The following PRSS56 variants were observed in gnomAD, a reference collection of about 807,000 sequenced individuals.
The protein encoded by PRSS56 is serine protease 56, also known as protease, serine 56.
In PRSS56, 55 loss-of-function variants were observed where a neutral mutation model predicts 66.8. That is an observed-to-expected ratio of 0.82 (90% CI 0.66 to 1.03). The LOEUF is 1.03. Among genes scored for constraint, PRSS56 ranks in the 50% least tolerant of loss-of-function variants. The pLI is 0.00. For synonymous variants in PRSS56, 409 were observed against 387.9 expected, an observed-to-expected ratio of 1.05 and a Z score of -0.64; for missense variants, 869 against 837.2, an observed-to-expected ratio of 1.04 and a Z score of -0.47.
Position 232,520,639 on chromosome 2 carries a change from C to T in PRSS56, c.41C>T (p.Ser14Leu). The T allele has an allele frequency of 1.3e-6, 2 of 1,536,002 alleles. No individual in the cohort carries two copies. The highest frequency in any genetic ancestry group is 4.9e-5 in the East Asian group (2 of 40,924). ...AVLLLLPLPS[S>L]WFAHGHPLYT... ...CTGCTGCTGCTACCCCTCCCAAGCTCATGGTTTGCCCACGGGCACCCACTG... is the reference window on the plus strand; with the variant it reads ...CTGCTGCTGCTACCCCTCCCAAGCTTATGGTTTGCCCACGGGCACCCACTG... Residue 14 changes from serine (S) to leucine (L), a missense_variant, in exon 1 of 13, where the codon TCA becomes TTA. Transcript: ENST00000617714.
chr2:232,524,700 A>G (rs1317700074), intron 11 of PRSS56, 38 bp from the exon 12 acceptor site: 2 of 1,433,272 alleles, frequency 1.4e-6, no homozygotes, highest in Non-Finnish European at 1.9e-6. Context: ...CCATACCGCA[A>G]CCGTTCATTA....
chr2:232,525,421 G>A lies in PRSS56; in HGVS notation c.1727G>A (p.Trp576Ter). 6.5e-7 allele frequency: 1 copy of A among 1,534,126 alleles called. No individual in the cohort carries two copies. The highest frequency in any genetic ancestry group is 8.7e-7 in the Non-Finnish European group (1 of 1,146,222). The change falls in exon 13 of 13, where the codon TGG becomes TAG. Residue 576 changes from tryptophan to a stop codon, truncating the protein, a stop_gained. Coordinates refer to ENST00000617714, the MANE Select transcript of PRSS56 (RefSeq NM_001195129.2). LOFTEE classifies it low-confidence loss of function (END_TRUNC). ...ALAEGEPEGP[W>*]MDVGQGPGLE... The stretch of plus-strand genomic sequence containing the variant: ...GCAGAAGGGGAGCCCGAGGGACCCT[G>A]GATGGATGTAGGGCAGGGGCCCGGG...
rs1209156130 is a variant in PRSS56 at position 232,524,040 on chromosome 2, G to C, written c.1188G>C (p.Glu396Asp). ...QQCLQRRRRC[E>D]LRSLAHTLLG... is the part of the protein sequence containing the mutation. ...CTCCGACTCCTGTCCGGTCCGCAGA[G>C]CTGCGCTCGCTGGCGCACACGCTGC... Residue 396 changes from glutamate (E) to aspartate (D), a missense_variant and splice_region_variant, in exon 10 of 13, where the codon GAG (glutamate) becomes GAC (aspartate). Physicochemically the swap from Glu to Asp is conservative, Grantham distance 45. Coordinates refer to ENST00000617714, the MANE Select transcript of PRSS56 (RefSeq NM_001195129.2). 1.3e-6 allele frequency: 2 copies of C among 1,524,892 alleles called. No individual in the cohort carries two copies. Among genetic ancestry groups the C allele is most frequent in the Non-Finnish European group, 1.7e-6 (2 of 1,143,060 alleles). The allele number at this position is 1,524,892 out of a possible 1,614,324, so 94.5% of individuals were successfully genotyped here.
rs1432247520 is a variant in PRSS56 at position 232,525,457 on chromosome 2, A to G, written c.1763A>G (p.Lys588Arg). 6.6e-7 allele frequency: 1 copy of G among 1,524,408 alleles called. No individual in the cohort carries two copies. Among genetic ancestry groups the G allele is most frequent in the East Asian group, 2.5e-5 (1 of 40,584 alleles). 94.4% of individuals were successfully genotyped at this position (1,524,408 alleles called of 1,614,324 possible). The change falls in exon 13 of 13, where the codon AAG becomes AGG. Residue 588 changes from lysine to arginine, a missense_variant. By Grantham distance (26) the Lys-to-Arg change is conservative. Transcript: ENST00000617714. ...DVGQGPGLER[K>R]GHHPLNPQVP... is the part of the protein sequence containing the mutation. ...GGGCAGGGGCCCGGGCTGGAGAGGA[A>G]GGGGCACCACCCACTCAACCCTCAG...
chr2:232,523,444 C>G lies in PRSS56; in HGVS notation c.878C>G (p.Ser293Cys). ...QGDSGGPLTC[S>C]EPGPRPREVL... Reference sequence around the variant, plus strand: ...GACTCGGGAGGCCCCCTGACCTGTTCTGAGCCTGGCCCCCGCCCTAGAGAG... The same window carrying G: ...GACTCGGGAGGCCCCCTGACCTGTTGTGAGCCTGGCCCCCGCCCTAGAGAG... The change falls in exon 8 of 13, where the codon TCT becomes TGT. Residue 293 changes from serine to cysteine, a missense_variant. By Grantham distance (112) the Ser-to-Cys change is moderately radical. This residue lies in a region of PRSS56 where 551 missense variants were observed against 506.9 expected (regional missense o/e 1.09). Transcript: ENST00000617714. 4 of 1,496,936 alleles carry G rather than the reference C, an allele frequency of 2.7e-6. No homozygotes were observed. Among genetic ancestry groups the G allele is most frequent in the Non-Finnish European group, 2.7e-6 (3 of 1,127,448 alleles). 92.7% of individuals were successfully genotyped at this position (1,496,936 alleles called of 1,614,324 possible).
Position 232,522,697 on chromosome 2 carries a change from C to T in PRSS56, c.547-5C>T. On this transcript the variant is annotated splice_region_variant and splice_polypyrimidine_tract_variant and intron_variant, in intron 5 of 12. Coordinates refer to ENST00000617714, the MANE Select transcript of PRSS56 (RefSeq NM_001195129.2). ...CTTGACCCTGCGCCGCCTCCCCCTC[C>T]TCAGTTTGACCCGCGGACCTTCCAC... The T allele has an allele frequency of 6.5e-7, 1 of 1,534,108 alleles. No individual in the cohort carries two copies. The highest frequency in any genetic ancestry group is 8.7e-7 in the Non-Finnish European group (1 of 1,145,838).
intron 9 of PRSS56, 44 bp from the exon 10 acceptor site, chr2:232,523,995 T>C (rs1370678194): frequency 6.6e-7 from 1 of 1,524,454 alleles, no homozygotes; most frequent in East Asian, 2.5e-5. Flanking sequence ...GGAGGGGGCC[T>C]GGCCAGCCTC....
chr2:232,524,187 G>A lies in PRSS56; in HGVS notation c.1335G>A (p.Glu445=), dbSNP rs890091108. 6.5e-7 allele frequency: 1 copy of A among 1,529,914 alleles called. No homozygotes were observed. Among genetic ancestry groups the A allele is most frequent in the African/African-American group, 1.4e-5 (1 of 72,748 alleles). The allele number at this position is 1,529,914 out of a possible 1,614,324, so 94.8% of individuals were successfully genotyped here. A position where few individuals can be genotyped will look rare whatever the true frequency, so the allele number is the denominator to read the frequency against. ...AGTCTCCTCTGCACCCCGCCCGGGA[G>A]CTGCGGCTTCACTCAGGTACCCCGC... ...LRESPLHPAR[E]LRLHSGSRAA... Residue 445 remains glutamate, a synonymous_variant, in exon 10 of 13, where the codon GAG becomes GAA. Coordinates refer to ENST00000617714, the MANE Select transcript of PRSS56 (RefSeq NM_001195129.2).
rs768526175 is a variant in PRSS56 at position 232,524,217 on chromosome 2, T to TCCAGC, written c.1351+27_1351+31dup. Reference sequence around the variant, plus strand: ...GGCTTCACTCAGGTACCCCGCGCCCTCCAGCCCAGCCCAGCCCTGGCCCGG... The same window carrying TCCAGC: ...GGCTTCACTCAGGTACCCCGCGCCCTCCAGCCCAGCCCAGCCCAGCCCTGGCCCGG... On this transcript the variant is annotated intron_variant, in intron 10 of 12. Transcript: ENST00000617714. 3.9e-6 allele frequency: 6 copies of TCCAGC among 1,533,700 alleles called. No individual in the cohort carries two copies. In the South Asian group the frequency reaches 4.8e-5, roughly 12 times the overall value.
At chr2:232,522,473 G>A in intron 4 of PRSS56, 42 bp from the exon 5 acceptor site, 2 of 1,483,302 alleles carry the variant, frequency 1.3e-6, no homozygotes, top group East Asian at 5.0e-5. Flanking sequence ...TGCGGGGTGT[G>A]CCCCTGTCCT....
In PRSS56 at chr2:232,522,145, C is replaced by G; in HGVS notation, c.431C>G (p.Ala144Gly). The change falls in exon 4 of 13, where the codon GCG becomes GGG. Residue 144 changes from alanine to glycine, a missense_variant. Physicochemically the swap from Ala to Gly is moderately conservative, Grantham distance 60. Around this residue, in one of 3 missense-constraint regions of PRSS56, gnomAD observed 315 missense variants for 313.7 expected, o/e 1.00. Transcript: ENST00000617714. ...LVAASWVLTA[A>G]HCFVGAPNEL... is the part of the protein sequence containing the mutation. ...GCGGCCTCCTGGGTGCTCACGGCAG[C>G]GCACTGCTTTGTAGGGTAAGTAGGA... 6.6e-7 allele frequency: 1 copy of G among 1,514,818 alleles called. No individual in the cohort carries two copies. The highest frequency in any genetic ancestry group is 8.8e-7 in the Non-Finnish European group (1 of 1,138,302). 93.8% of individuals were successfully genotyped at this position (1,514,818 alleles called of 1,614,324 possible). A position where few individuals can be genotyped will look rare whatever the true frequency, so the allele number is the denominator to read the frequency against.
Position 232,525,360 on chromosome 2 carries a change from G to T in PRSS56, c.1666G>T (p.Val556Leu), listed in dbSNP as rs920489554. The T allele has an allele frequency of 1.3e-6, 2 of 1,532,870 alleles. No homozygotes were observed. Among genetic ancestry groups the T allele is most frequent in the African/African-American group, 2.7e-5 (2 of 72,950 alleles). 95.0% of individuals were successfully genotyped at this position (1,532,870 alleles called of 1,614,324 possible). A position where few individuals can be genotyped will look rare whatever the true frequency, so the allele number is the denominator to read the frequency against. ...TLARSLPRLL[V>L]QALQAFRVAA... ...GGCTCGCAGCCTCCCCCGGCTGCTG[G>T]TGCAGGCCCTGCAGGCCTTCCGCGT... Residue 556 changes from valine to leucine, a missense_variant, in exon 13 of 13, where the codon GTG becomes TTG. Physicochemically the swap from Val to Leu is conservative, Grantham distance 32 (BLOSUM62 1). Coordinates refer to ENST00000617714, the MANE Select transcript of PRSS56 (RefSeq NM_001195129.2).
chr2:232,522,663 C>A (rs909522948), intron 5 of PRSS56, 39 bp from the exon 6 acceptor site: 3 of 1,532,794 alleles, frequency 2.0e-6, no homozygotes, highest in Middle Eastern at 1.7e-4. Flanking sequence ...GCACCCCCAC[C>A]CGTGCTTCCT....
chr2:232,523,421 C>A lies in PRSS56; in HGVS notation c.855C>A (p.Asp285Glu). 6.9e-7 allele frequency: 1 copy of A among 1,444,020 alleles called. No individual in the cohort carries two copies. The highest frequency in any genetic ancestry group is 1.4e-5 in the South Asian group (1 of 69,630). The allele number at this position is 1,444,020 out of a possible 1,614,324, so 89.5% of individuals were successfully genotyped here. Residue 285 changes from aspartate (D) to glutamate (E), a missense_variant, in exon 8 of 13, where the codon GAC becomes GAA. By Grantham distance (45) the Asp-to-Glu change is conservative. Transcript: ENST00000617714. ...LAGGVDSCQGDSGGPLTCSEP... is the reference protein window; with the variant it reads ...LAGGVDSCQGESGGPLTCSEP... ...CCTCTCTCTTGGCCCCGCAGGGTGA[C>A]TCGGGAGGCCCCCTGACCTGTTCTG...
rs1231087426 is a variant in PRSS56 at position 232,522,786 on chromosome 2, T to C, written c.631T>C (p.Cys211Arg). Residue 211 changes from cysteine to arginine, a missense_variant, in exon 6 of 13, where the codon TGC (cysteine) becomes CGC (arginine). Cys to Arg is a radical substitution (Grantham distance 180). This residue lies in a region of PRSS56 where 315 missense variants were observed against 313.7 expected (regional missense o/e 1.00). Transcript: ENST00000617714. Reference sequence around the variant, plus strand: ...CCCGGGGGGATCGGCGCGCCCCGTGTGCCTGCCCCAGGAGCCCCAGGAGCC... The same window carrying C: ...CCCGGGGGGATCGGCGCGCCCCGTGCGCCTGCCCCAGGAGCCCCAGGAGCC... Reference protein sequence around the residue: ...VSPGGSARPVCLPQEPQEPPA... With the variant: ...VSPGGSARPVRLPQEPQEPPA... 6.6e-7 allele frequency: 1 copy of C among 1,517,768 alleles called. No homozygotes were observed. The allele number at this position is 1,517,768 out of a possible 1,614,324, so 94.0% of individuals were successfully genotyped here.
Position 232,522,803 on chromosome 2 carries a change from C to T in PRSS56, c.648C>T (p.Pro216=). 1.3e-6 allele frequency: 2 copies of T among 1,503,426 alleles called. No individual in the cohort carries two copies. Among genetic ancestry groups the T allele is most frequent in the Non-Finnish European group, 8.9e-7 (1 of 1,126,882 alleles). 93.1% of individuals were successfully genotyped at this position (1,503,426 alleles called of 1,614,324 possible). ...GCCCCGTGTGCCTGCCCCAGGAGCC[C>T]CAGGAGCCCCCTGCCGGAACCGCCT... ...SARPVCLPQE[P]QEPPAGTACA... The change falls in exon 6 of 13, where the codon CCC becomes CCT. Residue 216 remains proline, a synonymous_variant. Transcript: ENST00000617714.
In PRSS56 at chr2:232,525,616, G is replaced by C; in HGVS notation, c.*110G>C. The C allele has an allele frequency of 1.4e-6, 1 of 697,634 alleles. No individual in the cohort carries two copies. Among genetic ancestry groups the C allele is most frequent in the Non-Finnish European group, 2.2e-6 (1 of 446,166 alleles). 43.2% of individuals were successfully genotyped at this position (697,634 alleles called of 1,614,324 possible). On this transcript the variant is annotated 3_prime_UTR_variant, in exon 13 of 13. Coordinates refer to ENST00000617714, the MANE Select transcript of PRSS56 (RefSeq NM_001195129.2). ...GCTGCCCCAGTGGCTGGGTGTGTGT[G>C]GGTGGGATGGGGTGGGGGTCCTGGG... is the stretch of plus-strand genomic sequence containing the variant.
intron 4 of PRSS56, 41 bp downstream of exon 4, chr2:232,522,201 G>C: frequency 7.1e-7 from 1 of 1,415,294 alleles, no homozygotes; most frequent in Non-Finnish European, 9.3e-7. Context: ...GGGGTCCCCG[G>C]CGCTGGGCCC....
rs550551164 is a variant in PRSS56 at position 232,523,974 on chromosome 2, G to C, written c.1186+29G>C. 655 of 1,519,928 alleles carry C rather than the reference G, an allele frequency of 4.3e-4. 2 individuals carry two copies. The South Asian group carries it at 6.6e-3, about 15-fold the overall frequency. The allele number at this position is 1,519,928 out of a possible 1,614,324, so 94.2% of individuals were successfully genotyped here. A position where few individuals can be genotyped will look rare whatever the true frequency, so the allele number is the denominator to read the frequency against. ...AGTTCTGTTCACCCGGACCCGGACGGGGGGCAGAGGGGAGGGGGCCTGGCC... is the reference window on the plus strand; with the variant it reads ...AGTTCTGTTCACCCGGACCCGGACGCGGGGCAGAGGGGAGGGGGCCTGGCC... On this transcript the variant is annotated intron_variant, in intron 9 of 12. Transcript: ENST00000617714.
Sources: gnomAD v4.1 joint callset for allele counts on GRCh38, gnomAD v4.1.1 for gene constraint, gnomAD v4.1.1 regional missense constraint, MANE v1.5 for transcripts, NCBI Gene and HGNC (gene_info 2026-07-23, HGNC 2026-07-21) for gene names.